TTC29: variants seen among roughly 807,000 people sequenced by gnomAD.
The protein encoded by TTC29 is tetratricopeptide repeat domain 29.
TTC29 carries 49 observed loss-of-function variants against 58.1 expected under a neutral mutation model. The observed-to-expected ratio is 0.84, with a 90% CI of 0.67 to 1.07. The LOEUF is 1.07. Among genes scored for constraint, TTC29 ranks in the 50% least tolerant of loss-of-function variants. The probability of loss-of-function intolerance (pLI) is 0.00; values close to 1 mark genes in which losing one functional copy is unlikely to be tolerated. For missense variants in TTC29, 582 were observed against 555.6 expected, an observed-to-expected ratio of 1.05 and a Z score of -0.48; for synonymous variants, 209 against 196.8, an observed-to-expected ratio of 1.06 and a Z score of -0.52.
At chr4:146,933,780 T>C (rs1180322089) in intron 4 of TTC29, among the ~76,000 whole-genome samples, 1 of 152,224 alleles carries the variant, frequency 6.6e-6, no homozygotes, top group Non-Finnish European at 1.5e-5. Context: ...TGAAGGTAGA[T>C]GATACAAAAC....
chr4:146,745,944 G>T (rs1745507986), intron 11 of TTC29, among the ~76,000 whole-genome samples: 1 of 152,096 alleles, frequency 6.6e-6, no homozygotes, highest in Non-Finnish European at 1.5e-5. Context: ...TTCTCTTTTT[G>T]TCTGAAGAAT....
chr4:146,885,474 CTAGAT>C (rs1486209826), intron 6 of TTC29, among the ~76,000 whole-genome samples: 24 of 152,070 alleles, frequency 1.6e-4, no homozygotes, highest in Non-Finnish European at 2.9e-4. Context: ...TTCTACGTAT[CTAGAT>C]TATTTTATTA....
intron 11 of TTC29, among the ~76,000 whole-genome samples, chr4:146,802,868 C>T (rs750222159): frequency 1.3e-5 from 2 of 152,096 alleles, no homozygotes; most frequent in African/African-American, 2.4e-5. Flanking sequence ...AGAGCCAAAC[C>T]TAGTTGGCAC....
At chr4:146,747,019 C>A (rs983147148) in intron 11 of TTC29, among the ~76,000 whole-genome samples, 1 of 152,078 alleles carries the variant, frequency 6.6e-6, no homozygotes, top group Non-Finnish European at 1.5e-5. Flanking sequence ...GCCACCCCGT[C>A]CCCCAGATGT....
At chr4:146,938,238 C>G (rs6835054) in intron 3 of TTC29, among the ~76,000 whole-genome samples, 2 of 151,938 alleles carry the variant, frequency 1.3e-5, no homozygotes, top group Non-Finnish European at 2.9e-5. Flanking sequence ...TTCTTCACAC[C>G]CTTTTGCACC....
chr4:146,924,545 T>C (rs780360439), intron 4 of TTC29, among the ~76,000 whole-genome samples: 3 of 151,968 alleles, frequency 2.0e-5, no homozygotes, highest in Non-Finnish European at 2.9e-5. Flanking sequence ...GCATAAAGTT[T>C]ATCTCCTAGT....
At chr4:146,885,132 AC>A (rs1378065474) in intron 6 of TTC29, among the ~76,000 whole-genome samples, 1 of 152,022 alleles carries the variant, frequency 6.6e-6, no homozygotes, top group African/African-American at 2.4e-5. Flanking sequence ...GGTTCTAGCA[AC>A]CAAAAATCAT....
intron 11 of TTC29, among the ~76,000 whole-genome samples, chr4:146,762,419 A>G (rs1579617649): frequency 1.4e-5 from 2 of 146,624 alleles, no homozygotes; most frequent in African/African-American, 5.1e-5. Flanking sequence ...CTGGCTGGCT[A>G]TCTCTTACTG....
At chr4:146,944,725 A>G (rs1165310681) in intron 2 of TTC29, among the ~76,000 whole-genome samples, 1 of 152,240 alleles carries the variant, frequency 6.6e-6, no homozygotes, top group African/African-American at 2.4e-5. Flanking sequence ...ATTCATAAGA[A>G]TTAAAACTTT....
chr4:146,927,525 A>AC (rs1365412381), intron 4 of TTC29, among the ~76,000 whole-genome samples: 1 of 152,116 alleles, frequency 6.6e-6, no homozygotes, highest in East Asian at 1.9e-4. Flanking sequence ...CAAAATCACT[A>AC]CCCACTAATG....
At chr4:146,802,045 AATAGACATAGATCTG>A (rs367617255) in intron 11 of TTC29, among the ~76,000 whole-genome samples, 115 of 150,880 alleles carry the variant, frequency 7.6e-4, no homozygotes, top group African/African-American at 2.7e-3. Context: ...GATGGCCTCG[AATAGACATAGATCTG>A]ATCAGAAGAT....
At chr4:146,857,996 A>G (rs970447023) in intron 8 of TTC29, among the ~76,000 whole-genome samples, 19 of 152,314 alleles carry the variant, frequency 1.2e-4, no homozygotes, top group African/African-American at 4.3e-4. Flanking sequence ...ATAAAGTAAG[A>G]ATGAAGTAGA....
intron 6 of TTC29, among the ~76,000 whole-genome samples, chr4:146,886,980 G>T (rs989093929): frequency 6.6e-6 from 1 of 152,156 alleles, no homozygotes; most frequent in Non-Finnish European, 1.5e-5. Flanking sequence ...AATACTTCAT[G>T]ATTCCACTTA....
At chr4:146,810,744 C>G (rs1013546769) in intron 10 of TTC29, among the ~76,000 whole-genome samples, 2 of 151,924 alleles carry the variant, frequency 1.3e-5, no homozygotes, top group Non-Finnish European at 2.9e-5. Flanking sequence ...GCATATGCCA[C>G]CACGCTCAGT....
intron 10 of TTC29, among the ~76,000 whole-genome samples, chr4:146,817,472 A>G (rs1393635103): frequency 6.6e-6 from 1 of 152,232 alleles, no homozygotes; most frequent in African/African-American, 2.4e-5. Flanking sequence ...GCTCATGGAT[A>G]GGAAGAATCA....
At chr4:146,921,850 T>C (rs1406761062) in intron 4 of TTC29, among the ~76,000 whole-genome samples, 3 of 150,774 alleles carry the variant, frequency 2.0e-5, no homozygotes, top group African/African-American at 4.8e-5. Context: ...ACAGAATATA[T>C]ACTTATTCGT....
intron 11 of TTC29, among the ~76,000 whole-genome samples, chr4:146,768,172 G>T (rs531071533): frequency 7.9e-5 from 12 of 152,100 alleles, no homozygotes; most frequent in African/African-American, 2.9e-4. Flanking sequence ...TATTAAGTTT[G>T]AAGATTCAAA....
At chr4:146,904,230 T>C (rs570328386) in intron 5 of TTC29, among the ~76,000 whole-genome samples, 187 of 152,142 alleles carry the variant, frequency 1.2e-3, no homozygotes, top group African/African-American at 4.2e-3. Context: ...ACGGGCCTGA[T>C]AGATACAACA....
intron 11 of TTC29, among the ~76,000 whole-genome samples, chr4:146,742,632 G>A (rs1407633466): frequency 2.4e-4 from 6 of 24,938 alleles, no homozygotes; most frequent in South Asian, 1.7e-3. Flanking sequence ...TCCTTCCTTC[G>A]TTTCCTTCCT....
Sources: gnomAD v4.1 joint callset for allele counts (sites outside exome capture counted in the v4.1 genomes callset) on GRCh38, gnomAD v4.1.1 for gene constraint, MANE v1.5 for transcripts, NCBI Gene and HGNC (gene_info 2026-07-23, HGNC 2026-07-21) for gene names.